The following KCNQ1 variants were observed in gnomAD, a reference collection of about 807,000 sequenced individuals.
KCNQ1 encodes the protein potassium voltage-gated channel subfamily KQT member 1.
In KCNQ1, 49 loss-of-function variants were observed where a neutral mutation model predicts 72.4. The observed-to-expected ratio is 0.68, with a 90% CI of 0.54 to 0.86. KCNQ1 has a LOEUF of 0.86. KCNQ1 is among the 40% of genes least tolerant of loss of function. KCNQ1 has a pLI of 0.00. For missense variants in KCNQ1, 790 were observed against 945.1 expected (o/e 0.84, Z 2.15); for synonymous variants, 450 against 412.6 (o/e 1.09, Z -1.10).
rs1233843512 is a variant in KCNQ1 at position 2,587,671 on chromosome 11, C to T, written c.1230C>T (p.Pro410=). 2 of 1,613,744 alleles carry T rather than the reference C, an allele frequency of 1.2e-6. No homozygotes were observed. Among genetic ancestry groups the T allele is most frequent in the South Asian group, 1.1e-5 (1 of 91,090 alleles). ...PRSHTLLSPS[P]KPKKSVVVKK... ...GCCACACTCTGCTGTCACCCAGCCC[C>T]AAACCCAAGAAGTCTGTGGTGGTGA... Residue 410 remains proline, a synonymous_variant, in exon 9 of 16, where the codon CCC becomes CCT. Coordinates refer to ENST00000155840, the MANE Select transcript of KCNQ1 (RefSeq NM_000218.3).
intron 2 of KCNQ1, among the ~76,000 whole-genome samples, chr11:2,558,877 A>C (rs78608627): frequency 0.023 from 3,517 of 152,192 alleles, 54 homozygotes; most frequent in African/African-American, 0.046. Flanking sequence ...TGGGCCCAAG[A>C]ATGTGCTAGG....
Position 2,473,570 on chromosome 11 carries a change from C to T in KCNQ1, c.386+28086C>T, listed in dbSNP as rs574482911. ...GGGACAGCGCTCAGCATGGCACAGA[C>T]GCTCAGCCGTGTCATGTGGCTTGTA... On this transcript the variant is annotated intron_variant, in intron 1 of 15. Transcript: ENST00000155840. The surrounding 1 kb of genome is among the most constrained non-coding windows in gnomAD (Gnocchi z 6.0). Among the ~76,000 whole-genome samples, 8 of 152,334 alleles carry T rather than the reference C, an allele frequency of 5.3e-5. No individual in the cohort carries two copies. Among genetic ancestry groups the T allele is most frequent in the Admixed American group, 3.9e-4 (6 of 15,304 alleles).
At chr11:2,793,804 C>G (rs528974563) in intron 15 of KCNQ1, among the ~76,000 whole-genome samples, 1 of 152,298 alleles carries the variant, frequency 6.6e-6, no homozygotes, top group East Asian at 1.9e-4. Context: ...GGTGGGCTGG[C>G]CCCTGCTCCT....
In KCNQ1 at chr11:2,652,155, T is replaced by G. The variant is rs915542486; in HGVS notation, c.1394-9806T>G. 2 of 398,456 alleles carry G rather than the reference T, an allele frequency of 5.0e-6. No individual in the cohort carries two copies. The highest frequency in any genetic ancestry group is 8.8e-6 in the Non-Finnish European group (2 of 226,092). 24.7% of individuals were successfully genotyped at this position (398,456 alleles called of 1,614,324 possible). A position where few individuals can be genotyped will look rare whatever the true frequency, so the allele number is the denominator to read the frequency against. ...ACCTGTGTTTCTCAAGCCCGCGCCC[T>G]CGGGGCCTGGGGGTGGGGCCCCAGC... On this transcript the variant is annotated intron_variant, in intron 10 of 15. Coordinates refer to ENST00000155840, the MANE Select transcript of KCNQ1 (RefSeq NM_000218.3). The surrounding 1 kb of genome is among the most constrained non-coding windows in gnomAD (Gnocchi z 5.9).
rs141458220 is a variant in KCNQ1, at chr11:2,651,957, G to A, written c.1394-10004G>A. The A allele has an allele frequency of 2.5e-6, 1 of 398,686 alleles. No individual in the cohort carries two copies. The highest frequency in any genetic ancestry group is 2.1e-5 in the African/African-American group (1 of 48,750). 24.7% of individuals were successfully genotyped at this position (398,686 alleles called of 1,614,324 possible). On this transcript the variant is annotated intron_variant, in intron 10 of 15. Transcript: ENST00000155840. The surrounding 1 kb of genome is among the most constrained non-coding windows in gnomAD (Gnocchi z 6.1). Reference sequence around the variant, plus strand: ...CAGCCCTCCTGCAGCCAGCAGCAGTGGGGGAGCCAAGCTGAGTTGATTACT... The same window carrying A: ...CAGCCCTCCTGCAGCCAGCAGCAGTAGGGGAGCCAAGCTGAGTTGATTACT...
rs965602235 is a variant in KCNQ1 at position 2,508,857 on chromosome 11, C to G, written c.387-19071C>G. On this transcript the variant is annotated intron_variant, in intron 1 of 15. Transcript: ENST00000155840. This position sits in a 1 kb window ranked among gnomAD's most constrained non-coding sequence, Gnocchi z 6.2. The stretch of plus-strand genomic sequence containing the variant: ...AGTCACAGTTGAATGCATGCTCCCT[C>G]CACACCCATGTGCCTGATGCACACA... Among the ~76,000 whole-genome samples, 5 of 152,346 alleles carry G rather than the reference C, an allele frequency of 3.3e-5. No homozygotes were observed. In the East Asian group the frequency reaches 9.7e-4, roughly 29 times the overall value.
chr11:2,548,633 C>T (rs983914192), intron 2 of KCNQ1, among the ~76,000 whole-genome samples: 14 of 152,300 alleles, frequency 9.2e-5, no homozygotes, highest in African/African-American at 2.9e-4. Flanking sequence ...TTTCTTAAGG[C>T]GGTTTCATAG....
intron 11 of KCNQ1, among the ~76,000 whole-genome samples, chr11:2,729,211 C>G (rs2133938651): frequency 6.6e-6 from 1 of 152,392 alleles, no homozygotes; most frequent in East Asian, 1.9e-4. Context: ...TGGCCTAGCT[C>G]TTTCTCCCTT....
At chr11:2,529,876 G>T (rs1409103071) in intron 2 of KCNQ1, among the ~76,000 whole-genome samples, 1 of 152,168 alleles carries the variant, frequency 6.6e-6, no homozygotes, top group Admixed American at 6.5e-5. Context: ...GCTCAGGAAG[G>T]GTCCTTCAGG....
At chr11:2,738,169 G>A (rs954376743) in intron 11 of KCNQ1, among the ~76,000 whole-genome samples, 6 of 151,186 alleles carry the variant, frequency 4.0e-5, no homozygotes, top group African/African-American at 1.5e-4. Context: ...GAGGAGAGAC[G>A]AGGGCAGAAG....
intron 10 of KCNQ1, chr11:2,619,656 G>T (rs917009534): frequency 1.3e-5 from 5 of 396,484 alleles, no homozygotes; most frequent in Admixed American, 4.4e-5. Context: ...GCTCACCTGG[G>T]TATCAAGGTG....
Position 2,768,240 on chromosome 11 carries a change from T to TA in KCNQ1, c.1515-604_1515-603insA, listed in dbSNP as rs1846531224. Among the ~76,000 whole-genome samples, 2 of 152,222 alleles carry TA rather than the reference T, an allele frequency of 1.3e-5. No individual in the cohort carries two copies. Among genetic ancestry groups the TA allele is most frequent in the Admixed American group, 1.3e-4 (2 of 15,290 alleles). Reference sequence around the variant, plus strand: ...CTTTTTTCTATGCACAGACACATCATCCCCTTTGTTTCCTTTTGTGATGCT... The same window carrying TA: ...CTTTTTTCTATGCACAGACACATCATACCCCTTTGTTTCCTTTTGTGATGCT... On this transcript the variant is annotated intron_variant, in intron 11 of 15. Coordinates refer to ENST00000155840, the MANE Select transcript of KCNQ1 (RefSeq NM_000218.3). This position sits in a 1 kb window ranked among gnomAD's most constrained non-coding sequence, Gnocchi z 6.7.
chr11:2,535,524 C>G (rs780173682), intron 2 of KCNQ1, among the ~76,000 whole-genome samples: 8 of 152,110 alleles, frequency 5.3e-5, no homozygotes, highest in Non-Finnish European at 1.0e-4. Context: ...GGATACAAGT[C>G]CCTCCTGCCT....
At position 2,703,482 on chromosome 11, in the gene KCNQ1, C is replaced by G. The variant is rs757361390; in HGVS notation, c.1514+41401C>G. ...AAAGGTTCCCTTGCAAGCCTGTGCA[C>G]CCGAGAGCACGCACGCACACACGCA... On this transcript the variant is annotated intron_variant, in intron 11 of 15. Coordinates refer to ENST00000155840, the MANE Select transcript of KCNQ1 (RefSeq NM_000218.3). This position sits in a 1 kb window ranked among gnomAD's most constrained non-coding sequence, Gnocchi z 6.4. Among the ~76,000 whole-genome samples the G allele has an allele frequency of 3.9e-5, 6 of 152,216 alleles. No individual in the cohort carries two copies. The highest frequency in any genetic ancestry group is 8.8e-5 in the Non-Finnish European group (6 of 68,042).
chr11:2,639,133 T>G (rs1008937293), intron 10 of KCNQ1: 1 of 152,202 alleles, frequency 6.6e-6, no homozygotes, highest in Non-Finnish European at 1.5e-5. Context: ...TTTTCAAGGT[T>G]TTTAGCTTCT....
chr11:2,609,619 G>T (rs912387596), intron 10 of KCNQ1: 1 of 398,378 alleles, frequency 2.5e-6, no homozygotes, highest in East Asian at 3.6e-5. Flanking sequence ...AAAGTGGAGT[G>T]TTGAAGTCTC....
At chr11:2,801,699 A>G (rs1334812703) in intron 15 of KCNQ1, among the ~76,000 whole-genome samples, 1 of 152,230 alleles carries the variant, frequency 6.6e-6, no homozygotes, top group Non-Finnish European at 1.5e-5. Context: ...AGTTCAGTTC[A>G]TAACACAAGT....
Position 2,704,365 on chromosome 11 carries a change from G to C in KCNQ1, c.1514+42284G>C, listed in dbSNP as rs867693784. Among the ~76,000 whole-genome samples the C allele has an allele frequency of 3.9e-5, 6 of 152,340 alleles. No individual in the cohort carries two copies. The Middle Eastern group carries it at 0.014, about 345-fold the overall frequency. ...CTGTTCCCACTGAGCCCATGAGACG[G>C]CTATTCCTTTGAGACATGTTTACTT... On this transcript the variant is annotated intron_variant, in intron 11 of 15. Transcript: ENST00000155840. The surrounding 1 kb of genome is among the most constrained non-coding windows in gnomAD (Gnocchi z 4.3).
intron 11 of KCNQ1, among the ~76,000 whole-genome samples, chr11:2,749,106 G>T (rs559056507): frequency 4.6e-5 from 7 of 152,224 alleles, no homozygotes; most frequent in Non-Finnish European, 7.3e-5. Flanking sequence ...ACATGGGGCC[G>T]CAGGAGGAAG....
Sources: allele counts gnomAD v4.1 joint callset (sites outside exome capture counted in the v4.1 genomes callset), GRCh38; gene constraint gnomAD v4.1.1; non-coding constraint Gnocchi (gnomAD v3.1); transcripts MANE v1.5; gene names NCBI Gene and HGNC (gene_info 2026-07-23, HGNC 2026-07-21).